Variants in HHLA2 observed in about 807,000 individuals in gnomAD.
HHLA2 encodes HHLA2 member of B7 family.
In HHLA2, 48 loss-of-function variants were observed where a neutral mutation model predicts 45.9. The observed-to-expected ratio is 1.05, with a 90% CI of 0.83 to 1.33. The LOEUF is 1.33. HHLA2 is among the 40% of genes most tolerant of loss of function. HHLA2 has a pLI of 0.00. For missense variants in HHLA2, 462 were observed against 494.3 expected (o/e 0.93, Z 0.62); for synonymous variants, 161 against 173.9 (o/e 0.93, Z 0.59).
intron 8 of HHLA2, among the ~76,000 whole-genome samples, chr3:108,365,144 T>A (rs1440671178): frequency 1.3e-5 from 2 of 152,236 alleles, no homozygotes; most frequent in East Asian, 3.8e-4. Flanking sequence ...TATGTTTAAG[T>A]CTTTAATCCA....
At chr3:108,337,968 G>A (rs1365440978) in intron 3 of HHLA2, among the ~76,000 whole-genome samples, 3 of 151,950 alleles carry the variant, frequency 2.0e-5, no homozygotes, top group Non-Finnish European at 2.9e-5. Context: ...TACTTTCTAG[G>A]AACTTAATTA....
exon 7 of HHLA2, chr3:108,358,107 T>C (rs1560259901): frequency 3.1e-6 from 5 of 1,613,290 alleles, no homozygotes; most frequent in Admixed American, 1.7e-5. Flanking sequence ...GGAATATTTA[T>C]GCAATATTTC....
intron 3 of HHLA2, among the ~76,000 whole-genome samples, chr3:108,331,017 T>G (rs1335796792): frequency 6.6e-6 from 1 of 152,124 alleles, no homozygotes; most frequent in African/African-American, 2.4e-5. Context: ...ACAAGGGGAA[T>G]GCAAAGGCTG....
intron 3 of HHLA2, among the ~76,000 whole-genome samples, chr3:108,336,507 C>T (rs924729419): frequency 1.3e-5 from 2 of 152,128 alleles, no homozygotes; most frequent in African/African-American, 4.8e-5. Context: ...GTAATATATA[C>T]TGTGATTCTT....
At chr3:108,372,366 A>G (rs2082193364) in intron 8 of HHLA2, among the ~76,000 whole-genome samples, 1 of 151,850 alleles carries the variant, frequency 6.6e-6, no homozygotes, top group South Asian at 2.1e-4. Context: ...TGCCCACAAG[A>G]GAAAGCAGGA....
At chr3:108,304,094 G>C (rs2107288459) in intron 1 of HHLA2, among the ~76,000 whole-genome samples, 1 of 152,270 alleles carries the variant, frequency 6.6e-6, no homozygotes, top group South Asian at 2.1e-4. Flanking sequence ...CTGGCGTTTT[G>C]AGTGGCTTCT....
chr3:108,360,657 C>T (rs749542393), intron 7 of HHLA2, among the ~76,000 whole-genome samples: 1 of 152,184 alleles, frequency 6.6e-6, no homozygotes, highest in Non-Finnish European at 1.5e-5. Context: ...GGCGCAGTCA[C>T]GTCCCAGGTG....
intron 3 of HHLA2, among the ~76,000 whole-genome samples, chr3:108,330,498 G>T (rs1291470521): frequency 1.3e-5 from 2 of 152,290 alleles, no homozygotes; most frequent in South Asian, 2.1e-4. Context: ...ATAGATTTTT[G>T]AGTTAACCAC....
intron 8 of HHLA2, among the ~76,000 whole-genome samples, chr3:108,366,838 G>A (rs904789710): frequency 6.6e-6 from 1 of 152,000 alleles, no homozygotes; most frequent in Admixed American, 6.6e-5. Context: ...ATTTTTTATT[G>A]TGTCTGTTTG....
intron 6 of HHLA2, 46 bp downstream of exon 5, chr3:108,355,427 G>A (rs780647402): frequency 3.9e-6 from 6 of 1,551,482 alleles, no homozygotes; most frequent in African/African-American, 1.4e-5. Context: ...TTTCAAAGTT[G>A]GGGGGTAATG....
At chr3:108,297,043 G>C (rs1374127029) in intron 1 of HHLA2, among the ~76,000 whole-genome samples, 1 of 152,216 alleles carries the variant, frequency 6.6e-6, no homozygotes, top group Non-Finnish European at 1.5e-5. Flanking sequence ...GACCGTAGTA[G>C]TGGTTATCTA....
intron 3 of HHLA2, among the ~76,000 whole-genome samples, chr3:108,329,098 A>G (rs2081340833): frequency 6.6e-6 from 1 of 152,162 alleles, no homozygotes; most frequent in Non-Finnish European, 1.5e-5. Flanking sequence ...AAAGCCACAC[A>G]CTATAGAGGA....
Position 108,351,834 on chromosome 3 carries a change from GTCTT to G in HHLA2, c.26_29del (p.Phe9SerfsTer5), listed in dbSNP as rs2107454125. 6.2e-7 allele frequency: 1 copy of G among 1,612,964 alleles called. No individual in the cohort carries two copies. Among genetic ancestry groups the G allele is most frequent in the Non-Finnish European group, 8.5e-7 (1 of 1,179,372 alleles). ...AAGACATGAAGGCACAGACAGCACTGTCTTTCTTCCTCATTCTCATAACATCTCT... is the reference window on the plus strand; with the variant it reads ...AAGACATGAAGGCACAGACAGCACTGTCTTCCTCATTCTCATAACATCTCT... On this transcript the variant is annotated frameshift_variant, in exon 4 of 11. Coordinates refer to ENST00000619531, the Ensembl canonical transcript of HHLA2. LOFTEE classifies it high-confidence loss of function.
intron 1 of HHLA2, among the ~76,000 whole-genome samples, chr3:108,304,502 C>T (rs760430860): frequency 2.0e-5 from 3 of 152,180 alleles, no homozygotes; most frequent in African/African-American, 4.8e-5. Flanking sequence ...ACTTAAGACA[C>T]AGCCTAATCC....
At chr3:108,339,998 A>G (rs573866440) in intron 3 of HHLA2, among the ~76,000 whole-genome samples, 6 of 152,192 alleles carry the variant, frequency 3.9e-5, no homozygotes, top group Non-Finnish European at 7.3e-5. Context: ...GGCCCCAAAT[A>G]AGACTTGGAC....
Position 108,375,627 on chromosome 3 carries a change from A to C in HHLA2, c.1109-123A>C, listed in dbSNP as rs2082262669. ...AATGAAGGAGATAGACACACGAAAA[A>C]CCCTTCAAAGAACCAGAGAGTGACT... On this transcript the variant is annotated intron_variant, in intron 8 of 10. Coordinates refer to ENST00000619531, the Ensembl canonical transcript of HHLA2. 3 of 1,238,186 alleles carry C rather than the reference A, an allele frequency of 2.4e-6. No homozygotes were observed. In the African/African-American group the frequency reaches 4.6e-5, roughly 19 times the overall value. The allele number at this position is 1,238,186 out of a possible 1,614,324, so 76.7% of individuals were successfully genotyped here.
At chr3:108,375,510 ACAT>A (rs1483155224) in intron 8 of HHLA2, among the ~76,000 whole-genome samples, 1 of 152,066 alleles carries the variant, frequency 6.6e-6, no homozygotes, top group African/African-American at 2.4e-5. Context: ...AATAAATTGT[ACAT>A]CAAGTAAAAA....
chr3:108,328,352 G>C (rs752016283), intron 3 of HHLA2: 71 of 1,523,840 alleles, frequency 4.7e-5, no homozygotes, highest in Middle Eastern at 1.7e-4. Flanking sequence ...CCTCTGGTAA[G>C]TAGGGAGATA....
At chr3:108,329,624 A>C (rs2081349798) in intron 3 of HHLA2, among the ~76,000 whole-genome samples, 1 of 152,202 alleles carries the variant, frequency 6.6e-6, no homozygotes, top group African/African-American at 2.4e-5. Flanking sequence ...GCACTAATTC[A>C]CAACTGACTG....
Sources: gnomAD v4.1 joint callset for allele counts (sites outside exome capture counted in the v4.1 genomes callset) on GRCh38, gnomAD v4.1.1 for gene constraint, MANE v1.5 for transcripts, NCBI Gene and HGNC (gene_info 2026-07-23, HGNC 2026-07-21) for gene names.